Variants in PAG1 observed in about 807,000 individuals in gnomAD.
The protein encoded by PAG1 is phosphoprotein membrane anchor with glycosphingolipid microdomains 1.
PAG1 carries 23 observed loss-of-function variants against 31.7 expected under a neutral mutation model. The ratio of observed to expected loss-of-function variants is 0.73; its 90% CI spans 0.52 to 1.03. The LOEUF is 1.03. Ranked by LOEUF, PAG1 falls within the 50% of genes least tolerant of loss-of-function variation. The pLI, the probability that PAG1 is intolerant of heterozygous loss-of-function variation, is 0.00. For synonymous variants in PAG1, 214 were observed against 210.3 expected (o/e 1.02, Z -0.15); for missense variants, 473 against 540.7 (o/e 0.87, Z 1.24).
At chr8:81,010,051 T>C (rs941370314) in intron 3 of PAG1, among the ~76,000 whole-genome samples, 6 of 152,242 alleles carry the variant, frequency 3.9e-5, no homozygotes, top group Non-Finnish European at 7.3e-5. Flanking sequence ...TGAGAATCAC[T>C]GAGCTAGACT....
chr8:81,046,914 A>T (rs1808651806), intron 2 of PAG1, among the ~76,000 whole-genome samples: 1 of 152,098 alleles, frequency 6.6e-6, no homozygotes. Flanking sequence ...CTTATTATTC[A>T]GCTCACACTT....
intron 3 of PAG1, among the ~76,000 whole-genome samples, chr8:81,019,118 G>A (rs560959572): frequency 1.3e-5 from 2 of 152,290 alleles, no homozygotes; most frequent in South Asian, 4.2e-4. Context: ...TTGCCCTAGA[G>A]GTCTGTGGAA....
At chr8:81,080,569 G>A (rs1809250124) in intron 1 of PAG1, among the ~76,000 whole-genome samples, 1 of 152,148 alleles carries the variant, frequency 6.6e-6, no homozygotes, top group African/African-American at 2.4e-5. Flanking sequence ...CTCATCTAAA[G>A]AGGCTGTAAG....
At chr8:81,056,010 G>A (rs1402759603) in intron 2 of PAG1, among the ~76,000 whole-genome samples, 1 of 152,178 alleles carries the variant, frequency 6.6e-6, no homozygotes, top group East Asian at 1.9e-4. Context: ...TAGGAGTGGT[G>A]AGAGAGGGCA....
intron 2 of PAG1, among the ~76,000 whole-genome samples, chr8:81,041,863 C>T (rs578246843): frequency 2.6e-5 from 4 of 152,248 alleles, no homozygotes; most frequent in East Asian, 1.9e-4. Context: ...CCATTGCTCA[C>T]GGCTCACCAT....
chr8:81,034,847 A>G (rs1433073676), intron 2 of PAG1, among the ~76,000 whole-genome samples: 8 of 152,298 alleles, frequency 5.3e-5, no homozygotes, highest in South Asian at 4.1e-4. Context: ...ACCACCTGCC[A>G]TAACTCAAAA....
intron 3 of PAG1, among the ~76,000 whole-genome samples, chr8:81,019,982 T>C (rs1279126514): frequency 6.6e-6 from 1 of 152,206 alleles, no homozygotes; most frequent in East Asian, 1.9e-4. Context: ...TATATCAGCA[T>C]GCCCTGGATG....
At chr8:81,016,208 A>ATGAGC (rs1406480191) in intron 3 of PAG1, among the ~76,000 whole-genome samples, 9 of 152,222 alleles carry the variant, frequency 5.9e-5, no homozygotes, top group African/African-American at 2.2e-4. Flanking sequence ...TGCTGAGTAA[A>ATGAGC]TGGCTGTTGT....
intron 3 of PAG1, among the ~76,000 whole-genome samples, chr8:80,997,156 G>C (rs1807691450): frequency 1.3e-5 from 2 of 152,196 alleles, no homozygotes; most frequent in African/African-American, 4.8e-5. Flanking sequence ...AGAAATATCT[G>C]AGCCATTTGG....
At chr8:80,999,015 A>G (rs1807737530) in intron 3 of PAG1, among the ~76,000 whole-genome samples, 1 of 152,230 alleles carries the variant, frequency 6.6e-6, no homozygotes, top group Non-Finnish European at 1.5e-5. Context: ...TGGCGGAGGA[A>G]GCAGATTCTT....
intron 1 of PAG1, among the ~76,000 whole-genome samples, chr8:81,076,060 C>T (rs1165030148): frequency 6.6e-6 from 1 of 152,246 alleles, no homozygotes; most frequent in African/African-American, 2.4e-5. Context: ...CTTATCACTA[C>T]AGGTACCTGA....
At chr8:81,016,683 ACT>A (rs1306344794) in intron 3 of PAG1, among the ~76,000 whole-genome samples, 2 of 152,284 alleles carry the variant, frequency 1.3e-5, no homozygotes, top group African/African-American at 4.8e-5. Context: ...TTAATTGCTC[ACT>A]GTTTCCTTTC....
At chr8:81,023,626 AGG>A (rs1476099307) in intron 3 of PAG1, among the ~76,000 whole-genome samples, 1 of 152,120 alleles carries the variant, frequency 6.6e-6, no homozygotes, top group East Asian at 1.9e-4. Flanking sequence ...AGAGAAAAAA[AGG>A]GAGAGAGAGG....
chr8:80,982,994 T>C (rs1407094733), intron 7 of PAG1, among the ~76,000 whole-genome samples: 1 of 152,196 alleles, frequency 6.6e-6, no homozygotes, highest in Non-Finnish European at 1.5e-5. Flanking sequence ...TTTGAAAACA[T>C]AGGCTAGGTT....
At chr8:81,035,381 C>A (rs1429832838) in intron 2 of PAG1, among the ~76,000 whole-genome samples, 1 of 152,160 alleles carries the variant, frequency 6.6e-6, no homozygotes, top group Non-Finnish European at 1.5e-5. Flanking sequence ...GAGCCTACAT[C>A]TGCATGACAA....
At chr8:81,040,050 T>C (rs1377818548) in intron 2 of PAG1, among the ~76,000 whole-genome samples, 2 of 152,202 alleles carry the variant, frequency 1.3e-5, no homozygotes, top group African/African-American at 4.8e-5. Context: ...AAGACTGATA[T>C]GCTACATCAC....
intron 2 of PAG1, among the ~76,000 whole-genome samples, chr8:81,068,900 G>T (rs564010023): frequency 6.6e-6 from 1 of 152,172 alleles, no homozygotes; most frequent in East Asian, 1.9e-4. Flanking sequence ...ACCCCCAACC[G>T]GAAAATGCTC....
rs997766982 is a variant in PAG1 at position 80,969,376 on chromosome 8, A to G, written c.*7168T>C. ...CCCATAGACTCAGGCTTTTGGTCCCAGCCTCTTCTTCCAGAGAAGGGCACT... is the reference window on the plus strand; with the variant it reads ...CCCATAGACTCAGGCTTTTGGTCCCGGCCTCTTCTTCCAGAGAAGGGCACT... On this transcript the variant is annotated 3_prime_UTR_variant, in exon 9 of 9. Coordinates refer to ENST00000220597, the MANE Select transcript of PAG1 (RefSeq NM_018440.4). 2.0e-5 allele frequency: 3 copies of G among 152,200 alleles called. No homozygotes were observed. The highest frequency in any genetic ancestry group is 6.5e-5 in the Admixed American group (1 of 15,278). 9.4% of individuals were successfully genotyped at this position (152,200 alleles called of 1,614,324 possible). A position where few individuals can be genotyped will look rare whatever the true frequency, so the allele number is the denominator to read the frequency against.
At chr8:81,016,814 G>C (rs774679077) in intron 3 of PAG1, among the ~76,000 whole-genome samples, 9 of 152,208 alleles carry the variant, frequency 5.9e-5, no homozygotes, top group Non-Finnish European at 1.2e-4. Flanking sequence ...TGTGGCAGAA[G>C]TGATGGTGTG....
Sources: allele counts gnomAD v4.1 joint callset (sites outside exome capture counted in the v4.1 genomes callset), GRCh38; gene constraint gnomAD v4.1.1; transcripts MANE v1.5; gene names NCBI Gene and HGNC (gene_info 2026-07-23, HGNC 2026-07-21).